Variants in SCFD2 observed in about 807,000 individuals in gnomAD.
The protein encoded by SCFD2 is sec1 family domain-containing protein 2.
A neutral mutation model predicts 58.9 loss-of-function variants in SCFD2; 54 were observed. The observed-to-expected ratio is 0.92, with a 90% CI of 0.74 to 1.15. The LOEUF is 1.15. Ranked by LOEUF, SCFD2 falls within the 50% of genes most tolerant of loss-of-function variation. The pLI, the probability that SCFD2 is intolerant of heterozygous loss-of-function variation, is 0.00. For synonymous variants in SCFD2, 321 were observed against 335.9 expected, an observed-to-expected ratio of 0.96 and a Z score of 0.49; for missense variants, 805 against 836.6, an observed-to-expected ratio of 0.96 and a Z score of 0.47.
intron 5 of SCFD2, among the ~76,000 whole-genome samples, chr4:53,049,413 T>C (rs1723127792): frequency 6.6e-6 from 1 of 152,246 alleles, no homozygotes; most frequent in Non-Finnish European, 1.5e-5. Flanking sequence ...CCATGTGCTA[T>C]TCACTGTGCT....
At chr4:52,877,433 C>G (rs1409580572) in intron 8 of SCFD2, among the ~76,000 whole-genome samples, 1 of 152,036 alleles carries the variant, frequency 6.6e-6, no homozygotes, top group Non-Finnish European at 1.5e-5. Flanking sequence ...GTTAAGAGCA[C>G]AGGTTTAGGA....
chr4:53,201,538 C>A (rs1728239244), intron 4 of SCFD2, among the ~76,000 whole-genome samples: 1 of 151,996 alleles, frequency 6.6e-6, no homozygotes, highest in Non-Finnish European at 1.5e-5. Context: ...GGGTAAATAC[C>A]CAGTAATGGG....
chr4:53,210,922 G>C (rs1227061766), intron 4 of SCFD2, among the ~76,000 whole-genome samples: 1 of 151,972 alleles, frequency 6.6e-6, no homozygotes, highest in East Asian at 1.9e-4. Context: ...CCTGAGGGAA[G>C]GAATGCTGCC....
At chr4:53,188,957 C>T (rs1382579465) in intron 4 of SCFD2, among the ~76,000 whole-genome samples, 1 of 152,156 alleles carries the variant, frequency 6.6e-6, no homozygotes, top group Admixed American at 6.6e-5. Flanking sequence ...CATATGATCA[C>T]CTCCATTTCC....
At chr4:52,996,544 C>A (rs1169243268) in intron 5 of SCFD2, among the ~76,000 whole-genome samples, 2 of 152,210 alleles carry the variant, frequency 1.3e-5, no homozygotes, top group East Asian at 3.8e-4. Flanking sequence ...CATTCCCTCC[C>A]TTCCCCTTCT....
intron 5 of SCFD2, among the ~76,000 whole-genome samples, chr4:53,038,373 C>T (rs1480255193): frequency 6.6e-6 from 1 of 152,120 alleles, no homozygotes; most frequent in African/African-American, 2.4e-5. Context: ...CTTTCTTTGG[C>T]CCACCCTCAA....
intron 2 of SCFD2, among the ~76,000 whole-genome samples, chr4:53,323,378 G>T (rs1322284826): frequency 6.6e-6 from 1 of 151,886 alleles, no homozygotes; most frequent in African/African-American, 2.4e-5. Context: ...GTTCTTTTTT[G>T]TTGTTGTTTT....
At chr4:53,325,933 C>T (rs1350181391) in intron 2 of SCFD2, among the ~76,000 whole-genome samples, 1 of 151,978 alleles carries the variant, frequency 6.6e-6, no homozygotes, top group Non-Finnish European at 1.5e-5. Flanking sequence ...AACACCAAGA[C>T]ATGGAAAAGT....
chr4:53,167,430 T>C (rs1397575038), intron 4 of SCFD2, among the ~76,000 whole-genome samples: 1 of 152,206 alleles, frequency 6.6e-6, no homozygotes, highest in Non-Finnish European at 1.5e-5. Context: ...CAATAGAATT[T>C]GAAGAATGAT....
chr4:52,945,214 A>C (rs1276812560), intron 5 of SCFD2, among the ~76,000 whole-genome samples: 1 of 152,198 alleles, frequency 6.6e-6, no homozygotes, highest in Non-Finnish European at 1.5e-5. Flanking sequence ...AAATTAGAAA[A>C]AGAGATCTCA....
At chr4:53,340,418 T>G (rs1459145236) in intron 2 of SCFD2, among the ~76,000 whole-genome samples, 2 of 152,082 alleles carry the variant, frequency 1.3e-5, no homozygotes, top group African/African-American at 4.8e-5. Flanking sequence ...GGGGAAGGGG[T>G]GCCCACCATT....
intron 5 of SCFD2, among the ~76,000 whole-genome samples, chr4:53,068,517 G>A (rs1723725744): frequency 6.6e-6 from 1 of 151,908 alleles, no homozygotes; most frequent in Admixed American, 6.6e-5. Flanking sequence ...AAATGTGTTG[G>A]TGCATACCTT....
intron 4 of SCFD2, among the ~76,000 whole-genome samples, chr4:53,158,882 T>C (rs1268838589): frequency 6.6e-6 from 1 of 152,198 alleles, no homozygotes; most frequent in Non-Finnish European, 1.5e-5. Context: ...GACTGTTCTT[T>C]TCCCTCTTCA....
chr4:53,022,885 C>T (rs1157697566), intron 5 of SCFD2, among the ~76,000 whole-genome samples: 3 of 152,132 alleles, frequency 2.0e-5, no homozygotes, highest in Non-Finnish European at 2.9e-5. Context: ...TGGCACAGTG[C>T]CTGGCACATA....
chr4:53,335,194 C>CAAAAAAAAAAAAAAAAAAACA (rs1733639903), intron 2 of SCFD2, among the ~76,000 whole-genome samples: 1 of 80,610 alleles, frequency 1.2e-5, no homozygotes. Context: ...GACTCCGTCT[C>CAAAAAAAAAAAAAAAAAAACA]AAAAAAAAAA....
chr4:52,969,692 G>A (rs938344258), intron 5 of SCFD2, among the ~76,000 whole-genome samples: 3 of 152,122 alleles, frequency 2.0e-5, no homozygotes, highest in Non-Finnish European at 4.4e-5. Context: ...TGACCCCTTG[G>A]GCCTGAGGAG....
At chr4:53,217,439 GT>G (rs1728885804) in intron 4 of SCFD2, among the ~76,000 whole-genome samples, 2 of 152,178 alleles carry the variant, frequency 1.3e-5, no homozygotes, top group Non-Finnish European at 2.9e-5. Flanking sequence ...CTTAAAGTCT[GT>G]TTTATCAGAG....
At chr4:53,219,331 C>T (rs943617793) in intron 4 of SCFD2, among the ~76,000 whole-genome samples, 1 of 152,148 alleles carries the variant, frequency 6.6e-6, no homozygotes. Flanking sequence ...CAAGCGTCAG[C>T]AATGGCGGGC....
At chr4:53,138,716 G>C (rs1726015348) in intron 5 of SCFD2, among the ~76,000 whole-genome samples, 1 of 152,234 alleles carries the variant, frequency 6.6e-6, no homozygotes, top group South Asian at 2.1e-4. Flanking sequence ...CTGCCATTGA[G>C]TATGCTTAAA....
Sources: allele counts gnomAD v4.1 joint callset (sites outside exome capture counted in the v4.1 genomes callset), GRCh38; gene constraint gnomAD v4.1.1; transcripts MANE v1.5; gene names NCBI Gene and HGNC (gene_info 2026-07-23, HGNC 2026-07-21).